The following CEP70 variants were observed in gnomAD, a reference collection of about 807,000 sequenced individuals.
CEP70 encodes the protein centrosomal protein 70.
Under a neutral mutation model 90.9 loss-of-function variants are expected in CEP70, and 70 were observed. The ratio of observed to expected loss-of-function variants is 0.77; its 90% CI spans 0.64 to 0.94. The LOEUF (loss-of-function observed/expected upper bound fraction) is 0.94, where lower values mean the gene tolerates loss of function less well. Among genes scored for constraint, CEP70 ranks in the 40% least tolerant of loss-of-function variants. The probability of loss-of-function intolerance (pLI) is 0.00; values close to 1 mark genes in which losing one functional copy is unlikely to be tolerated. For synonymous variants in CEP70, 220 were observed against 228.3 expected (o/e 0.96, Z 0.33); for missense variants, 648 against 669.0 (o/e 0.97, Z 0.35).
Position 138,573,877 on chromosome 3 carries a change from TCCACTGAA to T in CEP70, c.-5-953_-5-946del, listed in dbSNP as rs539290260. Among the ~76,000 whole-genome samples, 29 of 152,208 alleles carry T rather than the reference TCCACTGAA, an allele frequency of 1.9e-4. No individual in the cohort carries two copies. In the South Asian group the frequency reaches 5.4e-3, roughly 28 times the overall value. Reference sequence around the variant, plus strand: ...AGGATGCTTGAGAATTTCTAGGACATCCACTGAAGAACTGAACAGAAGTATATAATTTT... The same window carrying T: ...AGGATGCTTGAGAATTTCTAGGACATGAACTGAACAGAAGTATATAATTTT... On this transcript the variant is annotated intron_variant, in intron 2 of 17. Transcript: ENST00000264982.
intron 6 of CEP70, among the ~76,000 whole-genome samples, chr3:138,540,466 A>G (rs568100922): frequency 6.8e-6 from 1 of 147,162 alleles, no homozygotes; most frequent in South Asian, 2.2e-4. Flanking sequence ...CCTGGGCAAC[A>G]GAGCAAGACT....
chr3:138,505,729 T>C (rs986819222), intron 12 of CEP70, among the ~76,000 whole-genome samples: 1 of 152,152 alleles, frequency 6.6e-6, no homozygotes, highest in African/African-American at 2.4e-5. Context: ...CAAGTGCTAA[T>C]GTTTCAGTTT....
In CEP70 at chr3:138,498,028, T is replaced by G. The variant is rs763234775; in HGVS notation, c.1732+3A>C. ...ATTTCACCATCACCACCAGAGATCT[T>G]ACCTAAGATTTCAAGTAGATCATTA... On this transcript the variant is annotated splice_donor_region_variant and intron_variant, in intron 17 of 17. Coordinates refer to ENST00000264982, the MANE Select transcript of CEP70 (RefSeq NM_024491.4). 1.2e-6 allele frequency: 2 copies of G among 1,612,290 alleles called. No individual in the cohort carries two copies. Among genetic ancestry groups the G allele is most frequent in the South Asian group, 2.2e-5 (2 of 90,610 alleles).
intron 17 of CEP70, chr3:138,497,380 G>T: frequency 8.3e-7 from 1 of 1,203,850 alleles, no homozygotes; most frequent in Non-Finnish European, 1.0e-6. Context: ...AAAATTCACT[G>T]GTGAATACAT....
At position 138,505,448 on chromosome 3, in the gene CEP70, AT is replaced by A; in HGVS notation, c.1067del (p.Asn356IlefsTer11). 2 of 1,604,904 alleles carry A rather than the reference AT, an allele frequency of 1.2e-6. No homozygotes were observed. The highest frequency in any genetic ancestry group is 1.7e-6 in the Non-Finnish European group (2 of 1,176,848). On this transcript the variant is annotated frameshift_variant, in exon 13 of 18. Coordinates refer to ENST00000264982, the MANE Select transcript of CEP70 (RefSeq NM_024491.4). LOFTEE classifies it high-confidence loss of function. ...GAGCTCTTGGATTGTGGATAATTGA[AT>A]TGATGCTACACAGCACCTTTAAAAA... ...QRYFQVLCSI[N>X]SIIHNPRAPV... is the part of the protein sequence containing the mutation.
intron 9 of CEP70, 25 bp downstream of exon 9, chr3:138,529,349 AT>A (rs2037597531): frequency 4.5e-6 from 7 of 1,572,296 alleles, no homozygotes; most frequent in African/African-American, 2.7e-5. Flanking sequence ...ATTAAAAAGT[AT>A]TTATTAGTTA....
intron 6 of CEP70, among the ~76,000 whole-genome samples, chr3:138,569,008 A>G (rs1576878735): frequency 6.7e-6 from 1 of 149,758 alleles, no homozygotes; most frequent in African/African-American, 2.4e-5. Flanking sequence ...AAAAAAACAC[A>G]AAAAAAAACA....
rs111585337 is a variant in CEP70 at position 138,515,872 on chromosome 3, A to G, written c.945-7328T>C. Among the ~76,000 whole-genome samples the G allele has an allele frequency of 5.2e-3, 789 of 151,876 alleles. 5 individuals carry two copies. The highest frequency in any genetic ancestry group is 0.018 in the African/African-American group (760 of 41,408). On this transcript the variant is annotated intron_variant, in intron 11 of 17. Coordinates refer to ENST00000264982, the MANE Select transcript of CEP70 (RefSeq NM_024491.4). Reference sequence around the variant, plus strand: ...CCTTCTCCTAGTTGCTTCTCTCTCAATCTCCTATCTCATTAGTGGCACTGA... The same window carrying G: ...CCTTCTCCTAGTTGCTTCTCTCTCAGTCTCCTATCTCATTAGTGGCACTGA...
chr3:138,520,870 A>G (rs2108786390), intron 11 of CEP70, among the ~76,000 whole-genome samples: 1 of 152,126 alleles, frequency 6.6e-6, no homozygotes, highest in South Asian at 2.1e-4. Context: ...CCAAGGCTGG[A>G]CTGTACTGCC....
At position 138,517,593 on chromosome 3, in the gene CEP70, C is replaced by T. The variant is rs7630101; in HGVS notation, c.944+7897G>A. Among the ~76,000 whole-genome samples the T allele has an allele frequency of 4.8e-3, 724 of 152,272 alleles. 4 individuals carry two copies. Among genetic ancestry groups the T allele is most frequent in the African/African-American group, 0.017 (697 of 41,564 alleles). The stretch of plus-strand genomic sequence containing the variant: ...CTGAGGCAGGAGAATGGCGTGAGCC[C>T]AGGAGGCAGAGCTTGCAGTGAGCTG... On this transcript the variant is annotated intron_variant, in intron 11 of 17. Coordinates refer to ENST00000264982, the MANE Select transcript of CEP70 (RefSeq NM_024491.4).
At chr3:138,563,760 C>T (rs188635958) in intron 6 of CEP70, among the ~76,000 whole-genome samples, 142 of 151,942 alleles carry the variant, frequency 9.3e-4, no homozygotes, top group African/African-American at 3.2e-3. Flanking sequence ...GATCTAAAAT[C>T]GACACCTAAA....
At chr3:138,560,352 G>T (rs2040315454) in intron 6 of CEP70, among the ~76,000 whole-genome samples, 1 of 152,188 alleles carries the variant, frequency 6.6e-6, no homozygotes. Flanking sequence ...CTTTTCCCAT[G>T]GTCTTCACAA....
At chr3:138,511,567 C>T (rs1190360877) in intron 11 of CEP70, among the ~76,000 whole-genome samples, 2 of 152,320 alleles carry the variant, frequency 1.3e-5, no homozygotes, top group African/African-American at 4.8e-5. Context: ...AACATTTTTA[C>T]TGTCAGTGCA....
chr3:138,540,628 A>C (rs1201074675), intron 6 of CEP70, among the ~76,000 whole-genome samples: 1 of 152,214 alleles, frequency 6.6e-6, no homozygotes, highest in Non-Finnish European at 1.5e-5. Flanking sequence ...GAAAGGGAAC[A>C]CTTATACACT....
chr3:138,522,483 T>C (rs1259387817), intron 11 of CEP70, among the ~76,000 whole-genome samples: 2 of 151,888 alleles, frequency 1.3e-5, no homozygotes, highest in Non-Finnish European at 2.9e-5. Flanking sequence ...CTAGCAAGAC[T>C]AATAAAGAAG....
rs932618410 is a variant in CEP70, at chr3:138,497,968, C to G, written c.1732+63G>C. ...ACTAATCCAGTGACCAAGGAACACCCTTTTCTTAAATGCACTGACATTTTA... is the reference window on the plus strand; with the variant it reads ...ACTAATCCAGTGACCAAGGAACACCGTTTTCTTAAATGCACTGACATTTTA... On this transcript the variant is annotated intron_variant, in intron 17 of 17. Coordinates refer to ENST00000264982, the MANE Select transcript of CEP70 (RefSeq NM_024491.4). The G allele has an allele frequency of 2.5e-6, 4 of 1,600,304 alleles. No individual in the cohort carries two copies. In the African/African-American group the frequency reaches 4.0e-5, roughly 16 times the overall value.
At chr3:138,555,434 A>T (rs1200433990) in intron 6 of CEP70, among the ~76,000 whole-genome samples, 1 of 152,178 alleles carries the variant, frequency 6.6e-6, no homozygotes, top group Non-Finnish European at 1.5e-5. Flanking sequence ...GGACTTAATT[A>T]AACTAAAGAG....
In CEP70 at chr3:138,508,524, T is replaced by A. The variant is rs1255435799; in HGVS notation, c.965A>T (p.His322Leu). The change falls in exon 12 of 18, where the codon CAT (histidine) becomes CTT (leucine). Residue 322 changes from histidine to leucine, a missense_variant. Transcript: ENST00000264982. Reference protein sequence around the residue: ...KNVKLQELINHKKAEDTEKKD... With the variant: ...KNVKLQELINLKKAEDTEKKD... ...CTTCTCTGTGTCCTCAGCCTTCTTA[T>A]GATTAATAAGCTCCTGTAATCTAAA... The A allele has an allele frequency of 6.2e-7, 1 of 1,609,780 alleles. No homozygotes were observed. Among genetic ancestry groups the A allele is most frequent in the African/African-American group, 1.3e-5 (1 of 74,918 alleles).
intron 17 of CEP70, chr3:138,497,297 T>G (rs2034034327): frequency 7.9e-7 from 1 of 1,268,186 alleles, no homozygotes; most frequent in Non-Finnish European, 1.0e-6. Flanking sequence ...ATACCAAGCT[T>G]CATCTCCTCT....
Sources: gnomAD v4.1 joint callset for allele counts (sites outside exome capture counted in the v4.1 genomes callset) on GRCh38, gnomAD v4.1.1 for gene constraint, MANE v1.5 for transcripts, NCBI Gene and HGNC (gene_info 2026-07-23, HGNC 2026-07-21) for gene names.